COL4A1: variants seen among roughly 807,000 people sequenced by gnomAD.
COL4A1 encodes collagen type IV alpha 1 chain.
In COL4A1, 40 loss-of-function variants were observed where a neutral mutation model predicts 216.6. The observed-to-expected ratio is 0.18, with a 90% CI of 0.14 to 0.24. The LOEUF is 0.24. COL4A1 is among the 10% of genes least tolerant of loss of function. The probability of loss-of-function intolerance (pLI) is 1.00; values close to 1 mark genes in which losing one functional copy is unlikely to be tolerated. For synonymous variants in COL4A1, 839 were observed against 810.7 expected (o/e 1.03, Z -0.59); for missense variants, 1,628 against 2,196.8 (o/e 0.74, Z 5.18).
At chr13:110,201,315 G>GAGGGGGAGGAGGAAGGAGGAGGAGGAAC in intron 19 of COL4A1, 123 bp downstream of exon 19, 1 of 666,926 alleles carries the variant, frequency 1.5e-6, no homozygotes, top group African/African-American at 1.8e-5. Context: ...GGAAGAGAAG[G>GAGGGGGAGGAGGAAGGAGGAGGAGGAAC]AGGGGGAGGA....
chr13:110,201,509 C>T lies in COL4A1; in HGVS notation c.1013G>A (p.Gly338Glu), dbSNP rs761086237. Residue 338 changes from glycine (G) to glutamate (E), a missense_variant, in exon 19 of 52, where the codon GGA becomes GAA. By Grantham distance (98) the Gly-to-Glu change is moderately conservative. Transcript: ENST00000375820. ...PGPPGIVIGT[G>E]PLGEKGERGY... ...CCTCTCTCCTTTTTCTCCCAAAGGT[C>T]CTGTGCCTATAACCTGAATCGAGAA... 2.5e-6 allele frequency: 4 copies of T among 1,614,030 alleles called. No homozygotes were observed. In the African/African-American group the frequency reaches 4.0e-5, roughly 16 times the overall value.
chr13:110,152,646 A>C, intron 50 of COL4A1, 140 bp from the exon 51 acceptor site: 2 of 1,073,132 alleles, frequency 1.9e-6, no homozygotes, highest in South Asian at 1.4e-5. Flanking sequence ...CACAGGACAC[A>C]CTCTGTGCCC....
In COL4A1 at chr13:110,183,095, C is replaced by T. The variant is rs765634211; in HGVS notation, c.1993G>A (p.Asp665Asn). 6.2e-7 allele frequency: 1 copy of T among 1,612,834 alleles called. No homozygotes were observed. Residue 665 changes from aspartate (D) to asparagine (N), a missense_variant and splice_region_variant, in exon 28 of 52, where the codon GAC becomes AAC. Transcript: ENST00000375820. ...CCTGGGGTTCCGGGAAAGCCTCGGTCTCCTGTGGTGAGAAAGACCAACAGT... is the reference window on the plus strand; with the variant it reads ...CCTGGGGTTCCGGGAAAGCCTCGGTTTCCTGTGGTGAGAAAGACCAACAGT... ...GSPGFPGPQG[D>N]RGFPGTPGRP...
chr13:110,153,796 T>C (rs541420386), intron 50 of COL4A1, among the ~76,000 whole-genome samples: 16 of 152,236 alleles, frequency 1.1e-4, no homozygotes, highest in African/African-American at 3.1e-4. Flanking sequence ...ATTTTAAAAA[T>C]TGCTTTCCTG....
intron 28 of COL4A1, among the ~76,000 whole-genome samples, chr13:110,181,981 C>A (rs1020325407): frequency 2.0e-5 from 3 of 152,158 alleles, no homozygotes; most frequent in Admixed American, 6.5e-5. Flanking sequence ...TGGCACACAC[C>A]CGAATCACAT....
At chr13:110,299,140 C>T (rs9301445) in intron 1 of COL4A1, among the ~76,000 whole-genome samples, 76,453 of 152,130 alleles carry the variant, frequency 0.5, 19,579 homozygotes, top group Middle Eastern at 0.61. Flanking sequence ...CCATGTTACA[C>T]GCAGGGGTTC....
At chr13:110,166,345 A>G in intron 44 of COL4A1, 42 bp from the exon 45 acceptor site, 2 of 1,217,256 alleles carry the variant, frequency 1.6e-6, no homozygotes, top group Non-Finnish European at 2.4e-6. Context: ...AGAATTCCCA[A>G]TGATATACAA....
At position 110,268,180 on chromosome 13, in the gene COL4A1, G is replaced by C. The variant is rs1009011446; in HGVS notation, c.85-25446C>G. Among the ~76,000 whole-genome samples the C allele has an allele frequency of 2.6e-5, 4 of 152,182 alleles. No homozygotes were observed. Among genetic ancestry groups the C allele is most frequent in the African/African-American group, 9.7e-5 (4 of 41,444 alleles). The stretch of plus-strand genomic sequence containing the variant: ...CTAGCATATAAAGACAAGGGGCCAG[G>C]TTCAGCAGGGCCGATGCCAACTGTG... On this transcript the variant is annotated intron_variant, in intron 1 of 51. Coordinates refer to ENST00000375820, the MANE Select transcript of COL4A1 (RefSeq NM_001845.6). The surrounding 1 kb of genome is among the most constrained non-coding windows in gnomAD (Gnocchi z 4.1).
chr13:110,178,120 G>A lies in COL4A1; in HGVS notation c.2570C>T (p.Ser857Leu), dbSNP rs145861489. ...AQGLPGITGQSGLPGLPGQQG... is the reference protein window; with the variant it reads ...AQGLPGITGQLGLPGLPGQQG... Reference sequence around the variant, plus strand: ...CTGTCCAGGAAGGCCAGGGAGCCCCGACTGTCCCGTTATGCCAGGGAGTCC... The same window carrying A: ...CTGTCCAGGAAGGCCAGGGAGCCCCAACTGTCCCGTTATGCCAGGGAGTCC... The change falls in exon 32 of 52, where the codon TCG (serine) becomes TTG (leucine). Residue 857 changes from serine (S) to leucine (L), a missense_variant. Ser to Leu is a moderately radical substitution (Grantham distance 145, BLOSUM62 -2). This residue lies in a region of COL4A1 where 701 missense variants were observed against 892.5 expected (regional missense o/e 0.79). Coordinates refer to ENST00000375820, the MANE Select transcript of COL4A1 (RefSeq NM_001845.6). The A allele has an allele frequency of 3.7e-5, 60 of 1,614,038 alleles. No homozygotes were observed. Among genetic ancestry groups the A allele is most frequent in the African/African-American group, 3.3e-4 (25 of 74,938 alleles).
chr13:110,303,129 G>C (rs1461268632), intron 1 of COL4A1, among the ~76,000 whole-genome samples: 2 of 151,960 alleles, frequency 1.3e-5, no homozygotes, highest in Non-Finnish European at 2.9e-5. Context: ...GACCATCCTT[G>C]CCAGTTCTCA....
intron 25 of COL4A1, 92 bp from the exon 26 acceptor site, chr13:110,186,645 A>G (rs1315699083): frequency 1.4e-6 from 2 of 1,463,678 alleles, no homozygotes; most frequent in South Asian, 2.4e-5. Flanking sequence ...GTCAATAAGT[A>G]CTAGAGTTAA....
intron 1 of COL4A1, among the ~76,000 whole-genome samples, chr13:110,272,515 C>G (rs891249191): frequency 2.0e-5 from 3 of 152,288 alleles, no homozygotes; most frequent in Non-Finnish European, 2.9e-5. Context: ...TGGCAGGTGG[C>G]CCATGCTTGT....
intron 2 of COL4A1, among the ~76,000 whole-genome samples, chr13:110,217,075 C>T (rs6492246): frequency 0.36 from 55,072 of 152,030 alleles, 10,802 homozygotes; most frequent in African/African-American, 0.52. Context: ...ATTTTTTTAA[C>T]GTTCTTAATC....
Position 110,170,133 on chromosome 13 carries a change from G to GGAAAGAAGGAAGGAAGGAAA in COL4A1, c.3743-372_3743-371insTTTCCTTCCTTCCTTCTTTC, listed in dbSNP as rs1555302353. Among the ~76,000 whole-genome samples, 74 of 64,474 alleles carry GGAAAGAAGGAAGGAAGGAAA rather than the reference G, an allele frequency of 1.1e-3. 2 individuals are homozygous for GGAAAGAAGGAAGGAAGGAAA. Among genetic ancestry groups the GGAAAGAAGGAAGGAAGGAAA allele is most frequent in the African/African-American group, 2.5e-3 (64 of 25,436 alleles). The allele number at this position is 64,474 out of a possible 152,430, so 42.3% of individuals were successfully genotyped here. On this transcript the variant is annotated intron_variant, in intron 42 of 51. Transcript: ENST00000375820. ...AGGAAAGAAGGAAGGAAGGAAGGAAGGAAGGAAGGAAGGAAGGACAGACAT... is the reference window on the plus strand; with the variant it reads ...AGGAAAGAAGGAAGGAAGGAAGGAAGGAAAGAAGGAAGGAAGGAAAGAAGGAAGGAAGGAAGGACAGACAT...
intron 1 of COL4A1, among the ~76,000 whole-genome samples, chr13:110,253,921 T>C (rs899870822): frequency 6.6e-6 from 1 of 151,914 alleles, no homozygotes; most frequent in African/African-American, 2.4e-5. Flanking sequence ...ACATGATTAA[T>C]TGGAGTAGGA....
intron 1 of COL4A1, among the ~76,000 whole-genome samples, chr13:110,291,642 GCCC>G (rs1368031344): frequency 1.3e-5 from 2 of 152,172 alleles, no homozygotes; most frequent in Non-Finnish European, 2.9e-5. Context: ...AGCCCTGACT[GCCC>G]CCAAGTACAT....
chr13:110,286,436 G>T (rs1883846590), intron 1 of COL4A1, among the ~76,000 whole-genome samples: 1 of 152,212 alleles, frequency 6.6e-6, no homozygotes, highest in Admixed American at 6.5e-5. Context: ...GGAGCCTCAG[G>T]GTCCAGAGCC....
intron 11 of COL4A1, 46 bp from the exon 12 acceptor site, chr13:110,208,936 G>A (rs371215941): frequency 2.3e-4 from 371 of 1,579,492 alleles, no homozygotes; most frequent in Admixed American, 3.3e-4. Context: ...TGTCTACTTC[G>A]TTCAAAGTCA....
intron 49 of COL4A1, among the ~76,000 whole-genome samples, chr13:110,160,707 G>A (rs1328446418): frequency 6.6e-6 from 1 of 152,122 alleles, no homozygotes; most frequent in Non-Finnish European, 1.5e-5. Flanking sequence ...AAAGAGAATA[G>A]CTGACTCTTT....
Sources: gnomAD v4.1 joint callset for allele counts (sites outside exome capture counted in the v4.1 genomes callset) on GRCh38, gnomAD v4.1.1 for gene constraint, gnomAD v4.1.1 regional missense constraint, Gnocchi (gnomAD v3.1) non-coding constraint, MANE v1.5 for transcripts, NCBI Gene and HGNC (gene_info 2026-07-23, HGNC 2026-07-21) for gene names.